Variants in SERPINI1 observed in about 807,000 individuals in gnomAD.
SERPINI1 encodes the protein serpin family I member 1.
SERPINI1 carries 19 observed loss-of-function variants against 41.1 expected under a neutral mutation model. The observed-to-expected ratio is 0.46, with a 90% CI of 0.32 to 0.68. The LOEUF is 0.68. Among genes scored for constraint, SERPINI1 ranks in the 30% least tolerant of loss-of-function variants. SERPINI1 has a pLI of 0.03. For missense variants in SERPINI1, 460 were observed against 479.2 expected (o/e 0.96, Z 0.37); for synonymous variants, 138 against 156.6 (o/e 0.88, Z 0.89).
At chr3:167,815,751 G>C (rs1712060491) in intron 6 of SERPINI1, among the ~76,000 whole-genome samples, 1 of 152,134 alleles carries the variant, frequency 6.6e-6, no homozygotes, top group Non-Finnish European at 1.5e-5. Flanking sequence ...TCTGAAGGCT[G>C]ATTGTCTTAA....
chr3:167,775,225 T>TTTA (rs558261774), intron 1 of SERPINI1, among the ~76,000 whole-genome samples: 22,968 of 133,934 alleles, frequency 0.17, 2,187 homozygotes, highest in South Asian at 0.25. Context: ...GAAGTGTCAC[T>TTTA]TTATTATTAT....
chr3:167,805,168 T>C (rs528277961), intron 5 of SERPINI1, among the ~76,000 whole-genome samples: 26 of 152,284 alleles, frequency 1.7e-4, no homozygotes, highest in Non-Finnish European at 3.1e-4. Flanking sequence ...CCACCAACAG[T>C]GTAAAAGCAT....
Position 167,807,285 on chromosome 3 carries a change from AG to A in SERPINI1, c.925del (p.Ala309LeufsTer4). On this transcript the variant is annotated frameshift_variant, in exon 6 of 9. Transcript: ENST00000446050. LOFTEE classifies it high-confidence loss of function. ...EQEIDLKDVLKALGITEIFIK... is the reference protein window; with the variant it reads ...EQEIDLKDVLXALGITEIFIK... ...GAAATTGATTTAAAAGATGTTTTGA[AG>A]GCTCTTGGAATAACTGAAATTTTCA... The A allele has an allele frequency of 6.2e-7, 1 of 1,613,004 alleles. No homozygotes were observed. Among genetic ancestry groups the A allele is most frequent in the South Asian group, 1.1e-5 (1 of 91,054 alleles).
intron 2 of SERPINI1, among the ~76,000 whole-genome samples, chr3:167,789,978 C>T (rs1727444339): frequency 6.6e-6 from 1 of 152,028 alleles, no homozygotes; most frequent in African/African-American, 2.4e-5. Flanking sequence ...TTTCTAATGG[C>T]TTTTCTAGTT....
intron 7 of SERPINI1, 43 bp downstream of exon 7, chr3:167,823,115 T>C: frequency 7.5e-7 from 1 of 1,336,272 alleles, no homozygotes; most frequent in Non-Finnish European, 1.1e-6. Context: ...AGATTTGTAT[T>C]TTTAGAGCAA....
intron 1 of SERPINI1, among the ~76,000 whole-genome samples, chr3:167,782,418 A>G (rs954065182): frequency 6.6e-6 from 1 of 152,188 alleles, no homozygotes; most frequent in Admixed American, 6.5e-5. Context: ...CTCAAAGTAG[A>G]TTAGCCTTAA....
chr3:167,803,223 A>G (rs907172021), intron 5 of SERPINI1, among the ~76,000 whole-genome samples: 1 of 151,834 alleles, frequency 6.6e-6, no homozygotes, highest in Non-Finnish European at 1.5e-5. Context: ...ACATGTATAC[A>G]TATGTAACTA....
At chr3:167,751,985 G>A (rs1726061518) in intron 1 of SERPINI1, among the ~76,000 whole-genome samples, 1 of 152,120 alleles carries the variant, frequency 6.6e-6, no homozygotes, top group Non-Finnish European at 1.5e-5. Flanking sequence ...CAATAGTTAT[G>A]CCAAATGGGG....
At chr3:167,753,757 G>A (rs13090569) in intron 1 of SERPINI1, among the ~76,000 whole-genome samples, 50,524 of 152,032 alleles carry the variant, frequency 0.33, 9,551 homozygotes, top group African/African-American at 0.53. Context: ...TAGAACCAAT[G>A]TCACAAGAAT....
chr3:167,740,147 C>T (rs940913009), intron 1 of SERPINI1, among the ~76,000 whole-genome samples: 1 of 151,906 alleles, frequency 6.6e-6, no homozygotes, highest in South Asian at 2.1e-4. Flanking sequence ...CTCCTCACAC[C>T]GCAGACTCCC....
At chr3:167,822,871 C>T (rs1243601141) in intron 6 of SERPINI1, 115 bp from the exon 7 acceptor site, 2 of 685,870 alleles carry the variant, frequency 2.9e-6, no homozygotes, top group African/African-American at 1.8e-5. Flanking sequence ...ACATTATCTC[C>T]TAGGTTTTCT....
chr3:167,825,061 A>G (rs1315853455), intron 8 of SERPINI1, among the ~76,000 whole-genome samples, 186 bp from the exon 9 acceptor site: 8 of 151,696 alleles, frequency 5.3e-5, no homozygotes, highest in Non-Finnish European at 1.2e-4. Context: ...AGGAAAGAAG[A>G]AAGGAAAGGA....
At chr3:167,801,192 A>G (rs1458736152) in intron 5 of SERPINI1, among the ~76,000 whole-genome samples, 3 of 152,166 alleles carry the variant, frequency 2.0e-5, no homozygotes, top group Admixed American at 2.0e-4. Flanking sequence ...TTTAATCCTT[A>G]TATGTGTTAT....
chr3:167,766,198 A>G (rs1726561213), intron 1 of SERPINI1, among the ~76,000 whole-genome samples: 1 of 150,646 alleles, frequency 6.6e-6, no homozygotes, highest in African/African-American at 2.5e-5. Flanking sequence ...GCTGATAAAT[A>G]CGTACCCAAG....
chr3:167,786,363 C>A (rs994239898), intron 1 of SERPINI1, among the ~76,000 whole-genome samples: 2 of 152,020 alleles, frequency 1.3e-5, no homozygotes, highest in African/African-American at 4.8e-5. Context: ...AAAAAATTAG[C>A]CGGGCGTTGT....
At chr3:167,765,381 T>G (rs1411100455) in intron 1 of SERPINI1, among the ~76,000 whole-genome samples, 1 of 152,232 alleles carries the variant, frequency 6.6e-6, no homozygotes, top group Non-Finnish European at 1.5e-5. Context: ...GCTTGAAGCT[T>G]GCACCCTCTG....
intron 4 of SERPINI1, among the ~76,000 whole-genome samples, chr3:167,793,621 T>G (rs1727607177): frequency 7.0e-6 from 1 of 143,100 alleles, no homozygotes; most frequent in African/African-American, 2.7e-5. Flanking sequence ...GGCATAATGG[T>G]ACATACCTAT....
intron 5 of SERPINI1, among the ~76,000 whole-genome samples, chr3:167,806,592 G>T (rs1711653043): frequency 6.6e-6 from 1 of 152,038 alleles, no homozygotes; most frequent in Admixed American, 6.6e-5. Context: ...CATGAGAACA[G>T]GTTTATGTTT....
chr3:167,783,012 G>C (rs139497075), intron 1 of SERPINI1, among the ~76,000 whole-genome samples: 3 of 152,288 alleles, frequency 2.0e-5, no homozygotes, highest in Non-Finnish European at 4.4e-5. Context: ...TTTGGGCTTT[G>C]GTCTACAGGG....
Sources: allele counts gnomAD v4.1 joint callset (sites outside exome capture counted in the v4.1 genomes callset), GRCh38; gene constraint gnomAD v4.1.1; transcripts MANE v1.5; gene names NCBI Gene and HGNC (gene_info 2026-07-23, HGNC 2026-07-21).